Variants in DLG4 observed in about 807,000 individuals in gnomAD.
DLG4 encodes the protein disks large homolog 4.
In DLG4, 7 loss-of-function variants were observed where a neutral mutation model predicts 93.8. That is an observed-to-expected ratio of 0.07 (90% confidence interval 0.04 to 0.14). The LOEUF (loss-of-function observed/expected upper bound fraction) is 0.14. Ranked by LOEUF, DLG4 falls within the 10% of genes least tolerant of loss-of-function variation. The probability of loss-of-function intolerance (pLI) is 1.00; values close to 1 mark genes in which losing one functional copy is unlikely to be tolerated. For missense variants in DLG4, 545 were observed against 992.9 expected (o/e 0.55, Z 6.06); for synonymous variants, 341 against 387.6 (o/e 0.88, Z 1.41).
chr17:7,203,642 C>T lies in DLG4; in HGVS notation c.336-49G>A, dbSNP rs2070283757. On this transcript the variant is annotated intron_variant, in intron 5 of 19. Coordinates refer to ENST00000399506, the MANE Select transcript of DLG4 (RefSeq NM_001321075.3). The surrounding 1 kb of genome is among the most constrained non-coding windows in gnomAD (Gnocchi z 7.2). The stretch of plus-strand genomic sequence containing the variant: ...AGCCAAGAGCTTCCTGCTGCCCTGG[C>T]CCTCCCTCTCCAGGGACCAAGCAAC... 1.9e-6 allele frequency: 3 copies of T among 1,610,798 alleles called. No individual in the cohort carries two copies. Among genetic ancestry groups the T allele is most frequent in the Non-Finnish European group, 2.5e-6 (3 of 1,177,380 alleles).
chr17:7,199,916 C>A (rs2070024852), intron 8 of DLG4, among the ~76,000 whole-genome samples: 1 of 149,356 alleles, frequency 6.7e-6, no homozygotes, highest in Non-Finnish European at 1.5e-5. Flanking sequence ...GGAGGCGGAG[C>A]TTGCAGTGAG....
chr17:7,211,743 C>G (rs1252618647), intron 1 of DLG4: 1 of 163,368 alleles, frequency 6.1e-6, no homozygotes, highest in Non-Finnish European at 9.7e-6. Context: ...GGTGGGATAT[C>G]AAGGGTCCCG....
Position 7,208,518 on chromosome 17 carries a change from T to G in DLG4, c.31-279A>C, listed in dbSNP as rs796462995. On this transcript the variant is annotated intron_variant, in intron 1 of 19. Transcript: ENST00000399506. The surrounding 1 kb of genome is among the most constrained non-coding windows in gnomAD (Gnocchi z 5.4). ...CTCACATCCTGGGACACTGGCCTTCTGGTGGGCATAGCCCCTCTGGCATCT... is the reference window on the plus strand; with the variant it reads ...CTCACATCCTGGGACACTGGCCTTCGGGTGGGCATAGCCCCTCTGGCATCT... 6.6e-6 allele frequency among the ~76,000 whole-genome samples: 1 copy of G among 152,088 alleles called. No homozygotes were observed. The highest frequency in any genetic ancestry group is 2.4e-5 in the African/African-American group (1 of 41,412).
Position 7,189,370 on chromosome 17 carries a change from T to C in DLG4, c.*1338A>G, listed in dbSNP as rs183705542. On this transcript the variant is annotated 3_prime_UTR_variant, in exon 20 of 20. Coordinates refer to ENST00000399506, the MANE Select transcript of DLG4 (RefSeq NM_001321075.3). ...CAGGCATGGTGGCAGTAATCTGTAA[T>C]CCCAGCTACTCAGGGGGCTGAGGCA... is the stretch of plus-strand genomic sequence containing the variant. 7.9e-5 allele frequency among the ~76,000 whole-genome samples: 12 copies of C among 151,292 alleles called. No individual in the cohort carries two copies. The highest frequency in any genetic ancestry group is 2.9e-4 in the African/African-American group (12 of 41,136).
At chr17:7,215,323 A>G (rs1376723164) in intron 1 of DLG4, among the ~76,000 whole-genome samples, 4 of 152,216 alleles carry the variant, frequency 2.6e-5, no homozygotes, top group Admixed American at 2.6e-4. Flanking sequence ...TGGAAGAAGT[A>G]GGAGTCTGGA....
chr17:7,196,697 A>G lies in DLG4; in HGVS notation c.1083+60T>C, dbSNP rs2069806644. 3.8e-6 allele frequency: 6 copies of G among 1,578,500 alleles called. No homozygotes were observed. The highest frequency in any genetic ancestry group is 5.2e-6 in the Non-Finnish European group (6 of 1,161,842). ...CAGCCCATCCAGGCCCCTCCCCAAG[A>G]GCTCTGCGCTCTGCCCTGTGGGGAG... On this transcript the variant is annotated intron_variant, in intron 9 of 19. Transcript: ENST00000399506. The surrounding 1 kb of genome is among the most constrained non-coding windows in gnomAD (Gnocchi z 8.3).
At chr17:7,216,504 C>A (rs1225591208) in intron 1 of DLG4, among the ~76,000 whole-genome samples, 1 of 152,128 alleles carries the variant, frequency 6.6e-6, no homozygotes, top group Non-Finnish European at 1.5e-5. Context: ...AGCCCTCTGA[C>A]AACTTCCAAC....
At chr17:7,213,095 CTTTTTT>C (rs746009346) in intron 1 of DLG4, among the ~76,000 whole-genome samples, 30 of 80,866 alleles carry the variant, frequency 3.7e-4, no homozygotes, top group African/African-American at 9.9e-4. Flanking sequence ...TTCTTTCTTT[CTTTTTT>C]TTTTTTTTTT....
intron 1 of DLG4, among the ~76,000 whole-genome samples, chr17:7,214,496 C>T (rs561503344): frequency 1.3e-5 from 2 of 152,210 alleles, no homozygotes; most frequent in Admixed American, 6.5e-5. Flanking sequence ...ACGCCCCTGA[C>T]GGCCAATGAA....
intron 2 of DLG4, among the ~76,000 whole-genome samples, chr17:7,205,493 C>T (rs750793166): frequency 2.0e-4 from 31 of 152,238 alleles, no homozygotes; most frequent in Non-Finnish European, 4.0e-4. Flanking sequence ...CCCCAGTCTC[C>T]TTCCCGCTCT....
chr17:7,193,419 G>A lies in DLG4; in HGVS notation c.1693+64C>T. 1 of 1,445,540 alleles carries A rather than the reference G, an allele frequency of 6.9e-7. No homozygotes were observed. Among genetic ancestry groups the A allele is most frequent in the Non-Finnish European group, 9.2e-7 (1 of 1,083,244 alleles). The allele number at this position is 1,445,540 out of a possible 1,614,324, so 89.5% of individuals were successfully genotyped here. A position where few individuals can be genotyped will look rare whatever the true frequency, so the allele number is the denominator to read the frequency against. On this transcript the variant is annotated intron_variant, in intron 16 of 19. Transcript: ENST00000399506. The surrounding 1 kb of genome is among the most constrained non-coding windows in gnomAD (Gnocchi z 6.7). ...AGGAGGCTCTGCCTATGGCCCCAGG[G>A]ATGGGCCTCCCCTGCCCCACCCCCA...
In DLG4 at chr17:7,196,603, C is replaced by T. The variant is rs1320022351; in HGVS notation, c.1084-28G>A. The T allele has an allele frequency of 4.3e-6, 7 of 1,612,356 alleles. No individual in the cohort carries two copies. In the Admixed American group the frequency reaches 6.7e-5, roughly 15 times the overall value. On this transcript the variant is annotated intron_variant, in intron 9 of 19. Transcript: ENST00000399506. This position sits in a 1 kb window ranked among gnomAD's most constrained non-coding sequence, Gnocchi z 8.3. The stretch of plus-strand genomic sequence containing the variant: ...AGAGAGAGGACGACAGGCTGTGTCA[C>T]CAGAGACAGGAGGCAGCACTTCTGG...
chr17:7,200,891 G>A (rs1448984354), intron 8 of DLG4, among the ~76,000 whole-genome samples: 2 of 99,392 alleles, frequency 2.0e-5, no homozygotes, highest in Non-Finnish European at 3.8e-5. Flanking sequence ...ATGGAGTCTC[G>A]CTCTATCGCC....
chr17:7,218,146 C>T (rs1333268710), upstream of DLG4: 2 of 1,164,876 alleles, frequency 1.7e-6, no homozygotes, highest in East Asian at 5.1e-5. Flanking sequence ...GTCAGCAGGG[C>T]CCCCAAGATT....
rs1488126978 is a variant in DLG4, at chr17:7,191,962, C to A, written c.1907G>T (p.Arg636Leu). 1.4e-6 allele frequency: 2 copies of A among 1,479,180 alleles called. No individual in the cohort carries two copies. The highest frequency in any genetic ancestry group is 1.4e-5 in the South Asian group (1 of 70,434). The allele number at this position is 1,479,180 out of a possible 1,614,324, so 91.6% of individuals were successfully genotyped here. ...GTGCAGGTGGGCCGCCTGCAGCCGC[C>A]GCACGGCATTGGCCGAGACATCGAG... The part of the protein sequence containing the change: ...CILDVSANAV[R>L]RLQAAHLHPI... Residue 636 changes from arginine to leucine, a missense_variant, in exon 18 of 20, where the codon CGG becomes CTG. By Grantham distance (102) the Arg-to-Leu change is moderately radical. Transcript: ENST00000399506. The surrounding 1 kb of genome is among the most constrained non-coding windows in gnomAD (Gnocchi z 6.6).
Position 7,203,700 on chromosome 17 carries a change from G to A in DLG4, c.327C>T (p.Gly109=). The A allele has an allele frequency of 1.2e-6, 2 of 1,613,888 alleles. No individual in the cohort carries two copies. The highest frequency in any genetic ancestry group is 1.7e-6 in the Non-Finnish European group (2 of 1,179,864). Reference sequence around the variant, plus strand: ...CTGTCTCCTCTCCCCACCTGAGGCGGCCATCCTGGGCCGCAGCCCCACCAG... The same window carrying A: ...CTGTCTCCTCTCCCCACCTGAGGCGACCATCCTGGGCCGCAGCCCCACCAG... The part of the protein sequence containing the change: ...IIPGGAAAQD[G]RLRVNDSILF... Residue 109 remains glycine, a synonymous_variant, in exon 5 of 20, where the codon GGC becomes GGT. Transcript: ENST00000399506. The surrounding 1 kb of genome is among the most constrained non-coding windows in gnomAD (Gnocchi z 7.2).
At chr17:7,192,319 C>T (rs1394324392) in intron 17 of DLG4, 7 of 334,782 alleles carry the variant, frequency 2.1e-5, no homozygotes, top group East Asian at 5.0e-5. Context: ...GCGAGTGGGG[C>T]GGGGTGTGCA....
Position 7,193,623 on chromosome 17 carries a change from G to A in DLG4, c.1592-39C>T. On this transcript the variant is annotated intron_variant, in intron 15 of 19. Transcript: ENST00000399506. The surrounding 1 kb of genome is among the most constrained non-coding windows in gnomAD (Gnocchi z 6.7). ...CTGGCTTAGGCCGAGCGCAGGGTTG[G>A]GGGAGCAGCAAGTGCTGGGGCCAAG... The A allele has an allele frequency of 1.3e-6, 2 of 1,530,094 alleles. No individual in the cohort carries two copies. Among genetic ancestry groups the A allele is most frequent in the Non-Finnish European group, 1.8e-6 (2 of 1,141,248 alleles). The allele number at this position is 1,530,094 out of a possible 1,614,324, so 94.8% of individuals were successfully genotyped here.
At chr17:7,213,243 G>A (rs913121663) in intron 1 of DLG4, among the ~76,000 whole-genome samples, 5 of 151,166 alleles carry the variant, frequency 3.3e-5, no homozygotes, top group African/African-American at 1.2e-4. Context: ...CATTACAGGC[G>A]CCCGCCACTA....
Sources: gnomAD v4.1 joint callset for allele counts (sites outside exome capture counted in the v4.1 genomes callset) on GRCh38, gnomAD v4.1.1 for gene constraint, Gnocchi (gnomAD v3.1) non-coding constraint, MANE v1.5 for transcripts, NCBI Gene and HGNC (gene_info 2026-07-23, HGNC 2026-07-21) for gene names.